TNRC6A: variants seen among roughly 807,000 people sequenced by gnomAD.
TNRC6A encodes the protein trinucleotide repeat-containing gene 6A protein.
TNRC6A carries 44 observed loss-of-function variants against 221.2 expected under a neutral mutation model. That is an observed-to-expected ratio of 0.20 (90% CI 0.16 to 0.26). The LOEUF is 0.26. Ranked by LOEUF, TNRC6A falls within the 10% of genes least tolerant of loss-of-function variation. TNRC6A has a pLI of 1.00. For missense variants in TNRC6A, 2,199 were observed against 2,404.4 expected (o/e 0.91, Z 1.79); for synonymous variants, 847 against 838.5 (o/e 1.01, Z -0.18).
In TNRC6A at chr16:24,689,937, G is replaced by A. The variant is rs76432715; in HGVS notation, n.402+48928G>A. ...GCTAATTTTAAAAAATTTTTGTAGA[G>A]ACTGGGTCTCATTATGTTGCCTAGG... On this transcript the variant is annotated intron_variant and non_coding_transcript_variant, in intron 2 of 2. Transcript: ENST00000566108. Among the ~76,000 whole-genome samples the A allele has an allele frequency of 7.8e-3, 1,025 of 131,764 alleles. 54 individuals are homozygous for A. In the East Asian group the frequency reaches 0.17, roughly 22 times the overall value. The allele number at this position is 131,764 out of a possible 152,430, so 86.4% of individuals were successfully genotyped here. A position where few individuals can be genotyped will look rare whatever the true frequency, so the allele number is the denominator to read the frequency against.
chr16:24,790,224 A>G lies in TNRC6A; in HGVS notation c.1582A>G (p.Asn528Asp), dbSNP rs2058068780. Residue 528 changes from asparagine (N) to aspartate (D), a missense_variant, in exon 6 of 25, where the codon AAT (asparagine) becomes GAT (aspartate). By Grantham distance (23) the Asn-to-Asp change is conservative (BLOSUM62 1). Coordinates refer to ENST00000395799, the MANE Select transcript of TNRC6A (RefSeq NM_014494.4). The stretch of plus-strand genomic sequence containing the variant: ...TACTACATGGGGTGCCTATGGTTCT[A>G]ATTACTCTGGAGACAAATGTTCAGG... The part of the protein sequence containing the change: ...YGTTWGAYGS[N>D]YSGDKCSGPN... 6.2e-7 allele frequency: 1 copy of G among 1,614,196 alleles called. No individual in the cohort carries two copies. The highest frequency in any genetic ancestry group is 8.5e-7 in the Non-Finnish European group (1 of 1,180,044).
intron 22 of TNRC6A, chr16:24,821,784 C>T (rs1003746340): frequency 3.3e-4 from 146 of 443,100 alleles, no homozygotes; most frequent in African/African-American, 2.6e-3. Context: ...ATTTTAGCTC[C>T]TATCAATGAG....
rs2056576886 is a variant in TNRC6A, at chr16:24,729,793, C to T, written c.-49C>T. ...CCGCGGCGCTGCGGAGGGCTTGAGG[C>T]TCGCGAGCCTCCTTCGCCGCGCCCC... On this transcript the variant is annotated 5_prime_UTR_variant, in exon 1 of 25. Transcript: ENST00000395799. 1.2e-5 allele frequency: 17 copies of T among 1,404,742 alleles called. No individual in the cohort carries two copies. The highest frequency in any genetic ancestry group is 1.4e-5 in the Non-Finnish European group (15 of 1,072,936). The allele number at this position is 1,404,742 out of a possible 1,614,324, so 87.0% of individuals were successfully genotyped here. A position where few individuals can be genotyped will look rare whatever the true frequency, so the allele number is the denominator to read the frequency against.
chr16:24,698,157 G>A (rs748912426), intron 2 of TNRC6A, among the ~76,000 whole-genome samples: 34 of 151,676 alleles, frequency 2.2e-4, no homozygotes, highest in Non-Finnish European at 2.2e-4. Flanking sequence ...GCGAGACCCC[G>A]ACTCTACAAA....
intron 11 of TNRC6A, among the ~76,000 whole-genome samples, chr16:24,799,939 T>G (rs887746207): frequency 4.6e-5 from 7 of 152,306 alleles, no homozygotes; most frequent in African/African-American, 1.7e-4. Flanking sequence ...GAGAATCCCC[T>G]GGGTTCCCGA....
At position 24,675,702 on chromosome 16, in the gene TNRC6A, CTATATATATATA is replaced by C. The variant is rs60165161; in HGVS notation, n.402+34721_402+34732del. Among the ~76,000 whole-genome samples the C allele has an allele frequency of 4.0e-3, 132 of 33,242 alleles. 1 individual carries two copies. The highest frequency in any genetic ancestry group is 0.015 in the South Asian group (9 of 590). 21.8% of individuals were successfully genotyped at this position (33,242 alleles called of 152,430 possible). Reference sequence around the variant, plus strand: ...TCTCTCTCTCTCTCTCTCTCTCTCTCTATATATATATATATATATATATATATATATATATAT... The same window carrying C: ...TCTCTCTCTCTCTCTCTCTCTCTCTCTATATATATATATATATATATATAT... On this transcript the variant is annotated intron_variant and non_coding_transcript_variant, in intron 2 of 2. Coordinates refer to the TNRC6A transcript ENST00000566108.
At chr16:24,742,736 A>G (rs893669669) in intron 2 of TNRC6A, among the ~76,000 whole-genome samples, 1 of 152,198 alleles carries the variant, frequency 6.6e-6, no homozygotes, top group Non-Finnish European at 1.5e-5. Flanking sequence ...AGCCTGTCCA[A>G]CATGGTGAAA....
At chr16:24,630,622 C>T (rs968708988) in intron 1 of TNRC6A, among the ~76,000 whole-genome samples, 3 of 152,208 alleles carry the variant, frequency 2.0e-5, no homozygotes, top group Non-Finnish European at 4.4e-5. Context: ...TTGCTTCCCT[C>T]CCACCTCACG....
chr16:24,667,905 G>A (rs531731138), intron 2 of TNRC6A, among the ~76,000 whole-genome samples: 1 of 152,206 alleles, frequency 6.6e-6, no homozygotes, highest in East Asian at 1.9e-4. Context: ...CATGCCCATA[G>A]TCCCAGGTAC....
intron 2 of TNRC6A, chr16:24,662,090 C>T (rs1453718307): frequency 6.6e-6 from 1 of 152,076 alleles, no homozygotes; most frequent in South Asian, 2.1e-4. Context: ...ATACAAAAAT[C>T]TGTGCTCTTT....
At chr16:24,711,458 G>A (rs7203291) in intron 2 of TNRC6A, among the ~76,000 whole-genome samples, 27,455 of 151,914 alleles carry the variant, frequency 0.18, 3,708 homozygotes, top group East Asian at 0.39. Context: ...ATTTTCCTCC[G>A]TTTTTGTAAT....
intron 21 of TNRC6A, 72 bp from the exon 22 acceptor site, chr16:24,820,067 A>T (rs1471956381): frequency 2.9e-6 from 4 of 1,384,922 alleles, no homozygotes; most frequent in Non-Finnish European, 4.1e-6. Context: ...GGGAGAATGG[A>T]TGTCATTATT....
intron 2 of TNRC6A, among the ~76,000 whole-genome samples, chr16:24,714,160 T>G (rs972956470): frequency 1.3e-5 from 2 of 152,162 alleles, no homozygotes; most frequent in Non-Finnish European, 1.5e-5. Context: ...ATAACCCATA[T>G]AGGTTGTTCC....
chr16:24,711,011 G>A (rs999847533), intron 2 of TNRC6A, among the ~76,000 whole-genome samples: 1 of 152,086 alleles, frequency 6.6e-6, no homozygotes, highest in Non-Finnish European at 1.5e-5. Flanking sequence ...GAGTAGCTGG[G>A]ACTACACGCA....
chr16:24,732,602 G>C (rs879683057), intron 2 of TNRC6A, among the ~76,000 whole-genome samples: 7 of 152,122 alleles, frequency 4.6e-5, no homozygotes, highest in African/African-American at 7.2e-5. Context: ...TTTAGGCTTC[G>C]AACTTGCAAA....
At chr16:24,655,101 G>A (rs2054882439) in intron 2 of TNRC6A, among the ~76,000 whole-genome samples, 1 of 152,030 alleles carries the variant, frequency 6.6e-6, no homozygotes, top group Non-Finnish European at 1.5e-5. Context: ...AAATTTAGCT[G>A]GGCATGGTGG....
At chr16:24,610,929 G>C (rs767875439) in intron 1 of TNRC6A, among the ~76,000 whole-genome samples, 3 of 152,060 alleles carry the variant, frequency 2.0e-5, no homozygotes, top group Non-Finnish European at 4.4e-5. Flanking sequence ...TCCTGTCTCA[G>C]CCTCCCGAAT....
intron 1 of TNRC6A, among the ~76,000 whole-genome samples, chr16:24,623,186 T>TTACTTAC (rs1567305049): frequency 7.8e-6 from 1 of 128,944 alleles, no homozygotes; most frequent in African/African-American, 3.5e-5. Flanking sequence ...TATTTATTTA[T>TTACTTAC]TTATTTACTT....
intron 2 of TNRC6A, among the ~76,000 whole-genome samples, chr16:24,695,249 G>C (rs1280438793): frequency 1.3e-5 from 2 of 152,124 alleles, no homozygotes; most frequent in Non-Finnish European, 2.9e-5. Flanking sequence ...TGTACTCCAA[G>C]GGTATCTGAT....
Sources: gnomAD v4.1 joint callset for allele counts (sites outside exome capture counted in the v4.1 genomes callset) on GRCh38, gnomAD v4.1.1 for gene constraint, MANE v1.5 for transcripts, NCBI Gene and HGNC (gene_info 2026-07-23, HGNC 2026-07-21) for gene names.